CTTNBP2NL: variants seen among roughly 807,000 people sequenced by gnomAD.
CTTNBP2NL encodes CTTNBP2 N-terminal-like protein.
Under a neutral mutation model 32.5 loss-of-function variants are expected in CTTNBP2NL, and 16 were observed. The ratio of observed to expected loss-of-function variants is 0.49; its 90% CI spans 0.33 to 0.75. CTTNBP2NL has a LOEUF of 0.75. CTTNBP2NL is among the 30% of genes least tolerant of loss of function. CTTNBP2NL has a pLI of 0.02. For missense variants in CTTNBP2NL, 645 were observed against 756.0 expected (o/e 0.85, Z 1.72); for synonymous variants, 298 against 289.4 (o/e 1.03, Z -0.30).
At chr1:112,452,725 C>T (rs2990989) in intron 4 of CTTNBP2NL, among the ~76,000 whole-genome samples, 77,901 of 147,802 alleles carry the variant, frequency 0.53, 22,476 homozygotes, top group South Asian at 0.71. Flanking sequence ...ACTGCAACCT[C>T]GACCTCCCTG....
At chr1:112,451,584 C>T (rs1650220419) in intron 4 of CTTNBP2NL, among the ~76,000 whole-genome samples, 1 of 151,398 alleles carries the variant, frequency 6.6e-6, no homozygotes, top group Non-Finnish European at 1.5e-5. Context: ...CCAGGCCAGC[C>T]AACATGGTGA....
At chr1:112,424,020 G>GCCTA (rs2101009230) in intron 3 of CTTNBP2NL, among the ~76,000 whole-genome samples, 2 of 152,282 alleles carry the variant, frequency 1.3e-5, no homozygotes, top group East Asian at 3.9e-4. Context: ...GCCGTGCCCA[G>GCCTA]CCTATCAATT....
At chr1:112,426,615 T>C (rs1275491858) in intron 3 of CTTNBP2NL, among the ~76,000 whole-genome samples, 1 of 150,796 alleles carries the variant, frequency 6.6e-6, no homozygotes, top group Non-Finnish European at 1.5e-5. Flanking sequence ...CTTTTTTTTT[T>C]TTTTTTTTTT....
At chr1:112,428,168 TA>T (rs1041126127) in intron 3 of CTTNBP2NL, among the ~76,000 whole-genome samples, 1 of 152,168 alleles carries the variant, frequency 6.6e-6, no homozygotes, top group Non-Finnish European at 1.5e-5. Context: ...TGAGTGTTAA[TA>T]GTGGTTGGCC....
chr1:112,416,524 A>C (rs1420765087), intron 3 of CTTNBP2NL, among the ~76,000 whole-genome samples: 1 of 145,628 alleles, frequency 6.9e-6, no homozygotes, highest in Non-Finnish European at 1.5e-5. Flanking sequence ...TTTGAGACGG[A>C]GTGTCACTCT....
intron 3 of CTTNBP2NL, among the ~76,000 whole-genome samples, chr1:112,446,830 A>G (rs986397727): frequency 6.6e-6 from 1 of 152,146 alleles, no homozygotes; most frequent in African/African-American, 2.4e-5. Flanking sequence ...GATTACAGAC[A>G]TGAGATGCTG....
intron 3 of CTTNBP2NL, among the ~76,000 whole-genome samples, chr1:112,416,846 T>C (rs1328703775): frequency 1.3e-5 from 2 of 152,106 alleles, no homozygotes. Flanking sequence ...GCTGACCCCT[T>C]TGAGACTTGA....
intron 3 of CTTNBP2NL, among the ~76,000 whole-genome samples, chr1:112,416,860 G>A (rs1649082084): frequency 6.6e-6 from 1 of 152,050 alleles, no homozygotes; most frequent in South Asian, 2.1e-4. Flanking sequence ...GACTTGATAA[G>A]AGCAACTTCC....
chr1:112,436,358 G>T (rs1441130111), intron 3 of CTTNBP2NL, among the ~76,000 whole-genome samples: 2 of 152,082 alleles, frequency 1.3e-5, no homozygotes, highest in African/African-American at 4.8e-5. Context: ...TATTCCTTAT[G>T]GGATTAAAAT....
At chr1:112,428,859 A>G (rs1649479363) in intron 3 of CTTNBP2NL, among the ~76,000 whole-genome samples, 2 of 152,200 alleles carry the variant, frequency 1.3e-5, no homozygotes, top group Non-Finnish European at 2.9e-5. Flanking sequence ...CCAAAGTTTG[A>G]AAAACATTAG....
rs953409462 is a variant in CTTNBP2NL at position 112,458,844 on chromosome 1, G to A, written c.*1432G>A. ...AATAGGCAGAGCTAAACTAACCCCAGTGTCACAAAACTCAACTGGTCATAT... is the reference window on the plus strand; with the variant it reads ...AATAGGCAGAGCTAAACTAACCCCAATGTCACAAAACTCAACTGGTCATAT... On this transcript the variant is annotated 3_prime_UTR_variant, in exon 6 of 6. Transcript: ENST00000271277. The A allele has an allele frequency of 3.9e-5, 6 of 152,150 alleles. No homozygotes were observed. Among genetic ancestry groups the A allele is most frequent in the African/African-American group, 1.4e-4 (6 of 41,436 alleles). 9.4% of individuals were successfully genotyped at this position (152,150 alleles called of 1,614,324 possible).
chr1:112,405,260 A>G (rs866104670), intron 1 of CTTNBP2NL, among the ~76,000 whole-genome samples: 4 of 152,194 alleles, frequency 2.6e-5, no homozygotes, highest in African/African-American at 9.7e-5. Flanking sequence ...TCAGATGAGA[A>G]TACCTGAGAT....
At chr1:112,423,103 C>T (rs1649277958) in intron 3 of CTTNBP2NL, among the ~76,000 whole-genome samples, 1 of 152,154 alleles carries the variant, frequency 6.6e-6, no homozygotes, top group African/African-American at 2.4e-5. Context: ...GTGTTGTTTT[C>T]TTTGGTGCAT....
intron 3 of CTTNBP2NL, among the ~76,000 whole-genome samples, chr1:112,417,809 A>C (rs907524960): frequency 6.6e-6 from 1 of 152,178 alleles, no homozygotes; most frequent in Admixed American, 6.5e-5. Flanking sequence ...TTTAAACTGA[A>C]GTATCATTTT....
intron 1 of CTTNBP2NL, among the ~76,000 whole-genome samples, chr1:112,398,994 C>G (rs1217772410): frequency 2.6e-5 from 4 of 151,928 alleles, no homozygotes; most frequent in Non-Finnish European, 5.9e-5. Context: ...TAGGAGAGAT[C>G]ACTAGGGACT....
intron 3 of CTTNBP2NL, among the ~76,000 whole-genome samples, chr1:112,448,363 C>A (rs776903143): frequency 6.6e-6 from 1 of 152,152 alleles, no homozygotes; most frequent in Non-Finnish European, 1.5e-5. Flanking sequence ...GTAATGTGAT[C>A]CTGCTTATAT....
intron 4 of CTTNBP2NL, among the ~76,000 whole-genome samples, chr1:112,450,004 A>G (rs566264248): frequency 6.6e-6 from 1 of 152,332 alleles, no homozygotes; most frequent in African/African-American, 2.4e-5. Context: ...ATGCTTGGCT[A>G]CAATCTTCAT....
chr1:112,442,485 CACATTTT>C (rs1649923258), intron 3 of CTTNBP2NL, among the ~76,000 whole-genome samples: 1 of 152,144 alleles, frequency 6.6e-6, no homozygotes, highest in East Asian at 1.9e-4. Context: ...AATTCCTAAA[CACATTTT>C]CTTCCCCACC....
In CTTNBP2NL at chr1:112,455,999, A is replaced by T; in HGVS notation, c.507A>T (p.Glu169Asp). The change falls in exon 6 of 6, where the codon GAA (glutamate) becomes GAT (aspartate). Residue 169 changes from glutamate to aspartate, a missense_variant. Glu to Asp is a conservative substitution (Grantham distance 45). Coordinates refer to ENST00000271277, the MANE Select transcript of CTTNBP2NL (RefSeq NM_018704.3). Reference protein sequence around the residue: ...KEQKKLSSQLEEERSRHKQLS... With the variant: ...KEQKKLSSQLDEERSRHKQLS... ...AGAAGAAGCTCTCTAGTCAGCTGGA[A>T]GAGGAGCGCTCCCGCCACAAGCAGC... 1 of 1,613,922 alleles carries T rather than the reference A, an allele frequency of 6.2e-7. No individual in the cohort carries two copies. The highest frequency in any genetic ancestry group is 8.5e-7 in the Non-Finnish European group (1 of 1,179,936).
Sources: gnomAD v4.1 joint callset for allele counts (sites outside exome capture counted in the v4.1 genomes callset) on GRCh38, gnomAD v4.1.1 for gene constraint, MANE v1.5 for transcripts, NCBI Gene and HGNC (gene_info 2026-07-23, HGNC 2026-07-21) for gene names.